Variants in MTERF4 observed in about 807,000 individuals in gnomAD.
MTERF4 encodes mitochondrial transcription termination factor 4.
MTERF4 carries 17 observed loss-of-function variants against 22.5 expected under a neutral mutation model. The ratio of observed to expected loss-of-function variants is 0.75; its 90% CI spans 0.52 to 1.13. The LOEUF (loss-of-function observed/expected upper bound fraction) is 1.13. Among genes scored for constraint, MTERF4 ranks in the 50% most tolerant of loss-of-function variants. The probability of loss-of-function intolerance (pLI) is 0.00; values close to 1 mark genes in which losing one functional copy is unlikely to be tolerated. For synonymous variants in MTERF4, 165 were observed against 175.3 expected (o/e 0.94, Z 0.47); for missense variants, 420 against 466.8 (o/e 0.90, Z 0.92).
At chr2:241,090,471 T>C (rs1359900713), downstream of MTERF4, 2 of 1,524,126 alleles carry the variant, frequency 1.3e-6, no homozygotes, top group Non-Finnish European at 1.8e-6. Context: ...ATGAAGAGTA[T>C]AGTAAATACG....
rs112664190 is a variant in MTERF4 at position 241,096,043 on chromosome 2, C to CTCG, written c.1098_1100dup (p.Asp366dup). ...CCTCATCCTCATCATTGTCCTCCGCCTCGTCGTCGTCCTCATCATCGTCAT... is the reference window on the plus strand; with the variant it reads ...CCTCATCCTCATCATTGTCCTCCGCCTCGTCGTCGTCGTCCTCATCATCGTCAT... On this transcript the variant is annotated inframe_insertion, in exon 4 of 4. Coordinates refer to ENST00000391980, the MANE Select transcript of MTERF4 (RefSeq NM_182501.4). This position sits in a 1 kb window ranked among gnomAD's most constrained non-coding sequence, Gnocchi z 5.1. 13 of 1,613,574 alleles carry CTCG rather than the reference C, an allele frequency of 8.1e-6. No homozygotes were observed. The highest frequency in any genetic ancestry group is 9.3e-6 in the Non-Finnish European group (11 of 1,179,802).
downstream of MTERF4, chr2:241,089,384 A>G: frequency 6.4e-7 from 1 of 1,550,654 alleles, no homozygotes; most frequent in Non-Finnish European, 8.7e-7. Context: ...ATAAAGGAGA[A>G]ATGTCATTCA....
At chr2:241,065,505 A>C in the MTERF4 span, 1 of 1,612,514 alleles carries the variant, frequency 6.2e-7, no homozygotes, top group East Asian at 2.2e-5. Flanking sequence ...GGCGGCCGGC[A>C]GGGCCTACAA....
rs765818947 is a variant in MTERF4 at position 241,099,753 on chromosome 2, ACTC to A, written c.160_162del (p.Glu54del). The A allele has an allele frequency of 1.9e-6, 3 of 1,613,884 alleles. No homozygotes were observed. In the Admixed American group the frequency reaches 5.0e-5, roughly 27 times the overall value. On this transcript the variant is annotated inframe_deletion, in exon 2 of 4. Coordinates refer to ENST00000391980, the MANE Select transcript of MTERF4 (RefSeq NM_182501.4). ...TAGTTATTGGATCTAACACAAGATA[ACTC>A]CTCAATGACCCCTCCATTGGAGGCT...
At chr2:241,079,140 C>T (rs2063200815) in intron 4 of MTERF4, among the ~76,000 whole-genome samples, 1 of 137,686 alleles carries the variant, frequency 7.3e-6, no homozygotes, top group Non-Finnish European at 1.5e-5. Context: ...AGGCCGGGCG[C>T]GGTGGCTCAC....
At chr2:241,097,035 A>G in intron 3 of MTERF4, 1 of 614,286 alleles carries the variant, frequency 1.6e-6, no homozygotes, top group East Asian at 2.8e-5. Context: ...TATGCAGAGA[A>G]TCTAGTCTTT....
At chr2:241,050,438 C>T in the MTERF4 span, among the ~76,000 whole-genome samples, 1 of 152,226 alleles carries the variant, frequency 6.6e-6, no homozygotes, top group African/African-American at 2.4e-5. Flanking sequence ...CAGACCTGTT[C>T]AGCATCTCAG....
At position 241,096,996 on chromosome 2, in the gene MTERF4, A is replaced by G; in HGVS notation, c.705+247T>C. Reference sequence around the variant, plus strand: ...GAAGAATAGGTTTGATCTGTAGTAAAGAAATTAAAGATTTCTCTTTGGCTG... The same window carrying G: ...GAAGAATAGGTTTGATCTGTAGTAAGGAAATTAAAGATTTCTCTTTGGCTG... On this transcript the variant is annotated intron_variant, in intron 3 of 3. Coordinates refer to ENST00000391980, the MANE Select transcript of MTERF4 (RefSeq NM_182501.4). This position sits in a 1 kb window ranked among gnomAD's most constrained non-coding sequence, Gnocchi z 5.1. The G allele has an allele frequency of 1.7e-6, 1 of 595,222 alleles. No individual in the cohort carries two copies. The highest frequency in any genetic ancestry group is 3.0e-6 in the Non-Finnish European group (1 of 337,638). The allele number at this position is 595,222 out of a possible 1,614,324, so 36.9% of individuals were successfully genotyped here. A position where few individuals can be genotyped will look rare whatever the true frequency, so the allele number is the denominator to read the frequency against.
chr2:241,090,027 C>G (rs1487581053), downstream of MTERF4: 2 of 1,547,416 alleles, frequency 1.3e-6, no homozygotes, highest in Non-Finnish European at 1.7e-6. Context: ...CTGGCAGTTG[C>G]ACAATAATAA....
chr2:241,084,312 T>C (rs1293112211), downstream of MTERF4, among the ~76,000 whole-genome samples: 1 of 151,962 alleles, frequency 6.6e-6, no homozygotes, highest in Non-Finnish European at 1.5e-5. Context: ...AATTTTTGTA[T>C]TTTTAGTAGA....
In MTERF4 at chr2:241,102,285, G is replaced by C; in HGVS notation, c.-12C>G. The C allele has an allele frequency of 6.5e-7, 1 of 1,548,728 alleles. No individual in the cohort carries two copies. Among genetic ancestry groups the C allele is most frequent in the South Asian group, 1.2e-5 (1 of 84,016 alleles). ...CCGAACGCAGCCATAGCGCGGAGAAGATGGCAGCAGTTACGGCGCCGGAAG... is the reference window on the plus strand; with the variant it reads ...CCGAACGCAGCCATAGCGCGGAGAACATGGCAGCAGTTACGGCGCCGGAAG... On this transcript the variant is annotated 5_prime_UTR_variant, in exon 1 of 4. It adds an upstream start codon to the 5' untranslated region. Coordinates refer to ENST00000391980, the MANE Select transcript of MTERF4 (RefSeq NM_182501.4).
At chr2:241,060,611 AATCCAGGT>A in the MTERF4 span, among the ~76,000 whole-genome samples, 1 of 151,304 alleles carries the variant, frequency 6.6e-6, no homozygotes, top group Non-Finnish European at 1.5e-5. Flanking sequence ...ACTGGAATTA[AATCCAGGT>A]GGATTAAAGA....
At chr2:241,064,171 CCCCGCCCTCTGCCCGCCTGCTG>C in the MTERF4 span, 157 of 1,311,530 alleles carry the variant, frequency 1.2e-4, 1 homozygote, top group East Asian at 1.5e-3. This position sits in a 1 kb window ranked among gnomAD's most constrained non-coding sequence, Gnocchi z 7.0. Flanking sequence ...CCCGCCTGCT[CCCCGCCCTCTGCCCGCCTGCTG>C]CCCGCCCTCT....
chr2:241,047,146 CAAA>C, the MTERF4 span, among the ~76,000 whole-genome samples: 351 of 68,176 alleles, frequency 5.1e-3, 2 homozygotes, highest in African/African-American at 0.013. Context: ...GAGACTCTGT[CAAA>C]AAAAAAAAAA....
chr2:241,071,969 C>T (rs1443415673), downstream of MTERF4: 5 of 1,087,126 alleles, frequency 4.6e-6, no homozygotes, highest in African/African-American at 6.2e-5. Flanking sequence ...ATGATGAGCC[C>T]ACCCCCACCG....
chr2:241,079,576 C>A (rs1321507188), intron 4 of MTERF4, among the ~76,000 whole-genome samples: 1 of 152,046 alleles, frequency 6.6e-6, no homozygotes, highest in Non-Finnish European at 1.5e-5. Context: ...CATAATGGGA[C>A]TGGAGATCGG....
chr2:241,084,228 C>A (rs2063472495), downstream of MTERF4, among the ~76,000 whole-genome samples: 1 of 151,296 alleles, frequency 6.6e-6, no homozygotes, highest in Non-Finnish European at 1.5e-5. Context: ...CCTCTGCCTC[C>A]TGGGTTCAAG....
Position 241,096,067 on chromosome 2 carries a change from ATCC to A in MTERF4, c.1074_1076del (p.Glu358del), listed in dbSNP as rs2064397306. ...CCTCGTCGTCGTCCTCATCATCGTCATCCTCATCATTGTCATCCTCATCATTGT... is the reference window on the plus strand; with the variant it reads ...CCTCGTCGTCGTCCTCATCATCGTCATCATCATTGTCATCCTCATCATTGT... On this transcript the variant is annotated inframe_deletion, in exon 4 of 4. Transcript: ENST00000391980. This position sits in a 1 kb window ranked among gnomAD's most constrained non-coding sequence, Gnocchi z 5.1. The A allele has an allele frequency of 6.2e-7, 1 of 1,610,674 alleles. No individual in the cohort carries two copies. Among genetic ancestry groups the A allele is most frequent in the African/African-American group, 1.4e-5 (1 of 73,810 alleles).
downstream of MTERF4, among the ~76,000 whole-genome samples, chr2:241,086,314 G>T (rs2063572707): frequency 6.6e-6 from 1 of 152,150 alleles, no homozygotes. Context: ...GGCCCAAGGG[G>T]ACCCTACACA....
Sources: gnomAD v4.1 joint callset for allele counts (sites outside exome capture counted in the v4.1 genomes callset) on GRCh38, gnomAD v4.1.1 for gene constraint, Gnocchi (gnomAD v3.1) non-coding constraint, MANE v1.5 for transcripts, NCBI Gene and HGNC (gene_info 2026-07-23, HGNC 2026-07-21) for gene names.